KIAA0930: variants seen among roughly 807,000 people sequenced by gnomAD.
KIAA0930 encodes KIAA0930, also known as uncharacterized protein KIAA0930.
Under a neutral mutation model 43.9 loss-of-function variants are expected in KIAA0930, and 24 were observed. The ratio of observed to expected loss-of-function variants is 0.55; its 90% CI spans 0.40 to 0.77. KIAA0930 has a LOEUF of 0.77. Among genes scored for constraint, KIAA0930 ranks in the 30% least tolerant of loss-of-function variants. The pLI is 0.00. For synonymous variants in KIAA0930, 259 were observed against 216.4 expected, an observed-to-expected ratio of 1.20 and a Z score of -1.73; for missense variants, 461 against 574.2, an observed-to-expected ratio of 0.80 and a Z score of 2.02.
At chr22:45,208,065 C>T (rs2083654691) in intron 2 of KIAA0930, among the ~76,000 whole-genome samples, 1 of 152,160 alleles carries the variant, frequency 6.6e-6, no homozygotes, top group African/African-American at 2.4e-5. Context: ...AGAGCAGGTT[C>T]CCCATCAGAA....
At chr22:45,208,369 T>C (rs13056854) in intron 2 of KIAA0930, among the ~76,000 whole-genome samples, 6,515 of 96,786 alleles carry the variant, frequency 0.067, 384 homozygotes, top group Non-Finnish European at 0.088. Flanking sequence ...CGACTCCACA[T>C]GCACGAGCTG....
At chr22:45,219,352 C>G (rs1425096379) in intron 1 of KIAA0930, among the ~76,000 whole-genome samples, 1 of 152,192 alleles carries the variant, frequency 6.6e-6, no homozygotes, top group Admixed American at 6.5e-5. Context: ...TTTCCACTAA[C>G]CAGACCCTGG....
chr22:45,232,360 C>G lies in KIAA0930; in HGVS notation c.64+8280G>C, dbSNP rs564965963. On this transcript the variant is annotated intron_variant, in intron 1 of 9. Coordinates refer to ENST00000336156, the MANE Select transcript of KIAA0930 (RefSeq NM_001009880.2). ...CATTTTTCAAGATTCAAAGCACATCCCAATACAAAGCCCTTTTACATTAAA... is the reference window on the plus strand; with the variant it reads ...CATTTTTCAAGATTCAAAGCACATCGCAATACAAAGCCCTTTTACATTAAA... Among the ~76,000 whole-genome samples the G allele has an allele frequency of 2.0e-4, 30 of 152,356 alleles. No individual in the cohort carries two copies. The South Asian group carries it at 5.8e-3, about 29-fold the overall frequency.
rs537041563 is a variant in KIAA0930 at position 45,195,004 on chromosome 22, C to T, written c.*2172G>A. The T allele has an allele frequency of 1.2e-4, 19 of 152,314 alleles. No homozygotes were observed. Among genetic ancestry groups the T allele is most frequent in the South Asian group, 6.2e-4 (3 of 4,820 alleles). 9.4% of individuals were successfully genotyped at this position (152,314 alleles called of 1,614,324 possible). ...CGGCTATGAAACCACCAGCCCACCG[C>T]GTGCCCTGTTCACATGCCTTACAAA... On this transcript the variant is annotated 3_prime_UTR_variant, in exon 10 of 10. Coordinates refer to ENST00000336156, the MANE Select transcript of KIAA0930 (RefSeq NM_001009880.2).
chr22:45,204,005 G>C lies in KIAA0930; in HGVS notation c.517-20C>G. 2 of 1,612,950 alleles carry C rather than the reference G, an allele frequency of 1.2e-6. No individual in the cohort carries two copies. Among genetic ancestry groups the C allele is most frequent in the South Asian group, 2.2e-5 (2 of 90,482 alleles). On this transcript the variant is annotated intron_variant, in intron 5 of 9. Transcript: ENST00000336156. ...GAACACCTGGGCCAGGACACAAAGAGACAGGGACGTGACCATCAGCTCCCA... is the reference window on the plus strand; with the variant it reads ...GAACACCTGGGCCAGGACACAAAGACACAGGGACGTGACCATCAGCTCCCA...
intron 2 of KIAA0930, 92 bp from the exon 3 acceptor site, chr22:45,206,004 G>C (rs2083635015): frequency 4.5e-6 from 7 of 1,546,074 alleles, no homozygotes; most frequent in Non-Finnish European, 6.1e-6. Flanking sequence ...GATGGACAAG[G>C]ACTCCAATTC....
At chr22:45,218,609 T>A (rs1257096402) in intron 1 of KIAA0930, among the ~76,000 whole-genome samples, 2 of 152,058 alleles carry the variant, frequency 1.3e-5, no homozygotes, top group African/African-American at 4.8e-5. Flanking sequence ...AACTTGAGAC[T>A]CTAGTGGCTA....
chr22:45,224,499 G>GA (rs1245287116), intron 1 of KIAA0930, among the ~76,000 whole-genome samples: 3 of 152,122 alleles, frequency 2.0e-5, no homozygotes, highest in African/African-American at 7.3e-5. Context: ...TGGCAGGAGG[G>GA]AGACTGCCCG....
intron 1 of KIAA0930, among the ~76,000 whole-genome samples, chr22:45,235,092 G>A (rs1281161265): frequency 6.6e-6 from 1 of 152,056 alleles, no homozygotes; most frequent in Non-Finnish European, 1.5e-5. Context: ...CTAGTGGTGT[G>A]GCTGACACAA....
chr22:45,197,659 C>G, intron 9 of KIAA0930, 131 bp downstream of exon 9: 1 of 878,384 alleles, frequency 1.1e-6, no homozygotes, highest in Non-Finnish European at 1.8e-6. Flanking sequence ...AGGCCAAGAG[C>G]CCTGCAAAGA....
At position 45,217,092 on chromosome 22, in the gene KIAA0930, G is replaced by A. The variant is rs187191363; in HGVS notation, c.65-4985C>T. 1.5e-4 allele frequency among the ~76,000 whole-genome samples: 23 copies of A among 152,126 alleles called. No homozygotes were observed. The East Asian group carries it at 3.1e-3, about 20-fold the overall frequency. The stretch of plus-strand genomic sequence containing the variant: ...CACTTTATTTAAGGCCAGATGCGGC[G>A]GTTCATGCCTGTAATCCCAGCACCT... On this transcript the variant is annotated intron_variant, in intron 1 of 9. Transcript: ENST00000336156.
chr22:45,200,043 C>T lies in KIAA0930; in HGVS notation c.853-8G>A. On this transcript the variant is annotated splice_polypyrimidine_tract_variant and splice_region_variant and intron_variant, in intron 7 of 9. Transcript: ENST00000336156. ...TGTGCTGAAGGAGGTCACCTGGGAA[C>T]AAGCAGCCAAAGTCACCAGAGTAGC... is the stretch of plus-strand genomic sequence containing the variant. The T allele has an allele frequency of 6.3e-7, 1 of 1,585,586 alleles. No homozygotes were observed. The highest frequency in any genetic ancestry group is 2.4e-5 in the East Asian group (1 of 42,008).
chr22:45,227,764 G>C (rs2147761281), intron 1 of KIAA0930, among the ~76,000 whole-genome samples: 1 of 152,354 alleles, frequency 6.6e-6, no homozygotes, highest in Admixed American at 6.5e-5. Flanking sequence ...CCTGGACGCA[G>C]AGCCTTCTTC....
chr22:45,212,169 C>T, intron 1 of KIAA0930, 62 bp from the exon 2 acceptor site: 2 of 1,613,650 alleles, frequency 1.2e-6, no homozygotes, highest in Non-Finnish European at 1.7e-6. Flanking sequence ...GCAGCATGGC[C>T]TTGGCCAAGC....
chr22:45,204,585 C>G (rs116759769), intron 5 of KIAA0930, among the ~76,000 whole-genome samples: 1 of 152,186 alleles, frequency 6.6e-6, no homozygotes, highest in Non-Finnish European at 1.5e-5. Flanking sequence ...GACGCCCACG[C>G]CTTCCTCCTA....
At chr22:45,205,770 G>GGGCCCCC in intron 3 of KIAA0930, 23 bp downstream of exon 3, 1 of 1,523,784 alleles carries the variant, frequency 6.6e-7, no homozygotes, top group Non-Finnish European at 9.1e-7. Flanking sequence ...CCAATCCGCA[G>GGGCCCCC]CCCCACCCAT....
chr22:45,213,257 G>GGCCCTCA (rs371009514), intron 1 of KIAA0930: 45 of 1,238,064 alleles, frequency 3.6e-5, no homozygotes, highest in African/African-American at 1.5e-4. Flanking sequence ...CCCAGCCCTC[G>GGCCCTCA]GCCCTCAGCC....
intron 6 of KIAA0930, 51 bp from the exon 7 acceptor site, chr22:45,203,235 TG>T: frequency 6.5e-7 from 1 of 1,528,028 alleles, no homozygotes; most frequent in Non-Finnish European, 8.8e-7. Context: ...GATGGCTCCA[TG>T]GGGCCCCTCC....
chr22:45,197,727 G>A, intron 9 of KIAA0930, 63 bp downstream of exon 9: 3 of 1,575,014 alleles, frequency 1.9e-6, no homozygotes, highest in Admixed American at 3.4e-5. Context: ...CAAGTACCAA[G>A]GCCCTGGAGG....
Sources: allele counts gnomAD v4.1 joint callset (sites outside exome capture counted in the v4.1 genomes callset), GRCh38; gene constraint gnomAD v4.1.1; transcripts MANE v1.5; gene names NCBI Gene and HGNC (gene_info 2026-07-23, HGNC 2026-07-21).